Variants in GRID2 observed in about 807,000 individuals in gnomAD.
GRID2 encodes glutamate receptor ionotropic, delta-2.
GRID2 carries 33 observed loss-of-function variants against 114.8 expected under a neutral mutation model. That is an observed-to-expected ratio of 0.29 (90% CI 0.22 to 0.38). The LOEUF is 0.38. GRID2 is among the 10% of genes least tolerant of loss of function. The pLI, the probability that GRID2 is intolerant of heterozygous loss-of-function variation, is 1.00. For synonymous variants in GRID2, 505 were observed against 449.9 expected (o/e 1.12, Z -1.55); for missense variants, 1,184 against 1,257.7 (o/e 0.94, Z 0.89).
intron 13 of GRID2, among the ~76,000 whole-genome samples, chr4:93,586,551 T>C (rs1737555444): frequency 6.6e-6 from 1 of 152,150 alleles, no homozygotes; most frequent in Non-Finnish European, 1.5e-5. Context: ...ACACTTGACA[T>C]ACATATATTT....
chr4:92,518,782 C>G (rs1724630294), intron 1 of GRID2, among the ~76,000 whole-genome samples: 1 of 151,792 alleles, frequency 6.6e-6, no homozygotes, highest in African/African-American at 2.4e-5. Flanking sequence ...CAGTCATTTA[C>G]TAGAATATTA....
chr4:92,703,055 C>A (rs564298355), intron 2 of GRID2, among the ~76,000 whole-genome samples: 1 of 152,200 alleles, frequency 6.6e-6, no homozygotes, highest in Admixed American at 6.5e-5. Flanking sequence ...GTGCATTCAC[C>A]AGTTTGAAAA....
chr4:92,321,685 T>C (rs916666029), intron 1 of GRID2, among the ~76,000 whole-genome samples: 1 of 152,092 alleles, frequency 6.6e-6, no homozygotes, highest in Non-Finnish European at 1.5e-5. Flanking sequence ...CTAATGAATA[T>C]CAAGGTAGAT....
chr4:93,162,796 C>T (rs1737805421), intron 4 of GRID2, among the ~76,000 whole-genome samples: 1 of 151,842 alleles, frequency 6.6e-6, no homozygotes, highest in South Asian at 2.1e-4. Context: ...ATGAGGAGTT[C>T]CATCTTCATC....
At chr4:92,586,133 G>A (rs1728427952) in intron 1 of GRID2, among the ~76,000 whole-genome samples, 1 of 151,776 alleles carries the variant, frequency 6.6e-6, no homozygotes, top group South Asian at 2.1e-4. Flanking sequence ...TATGGCCTAG[G>A]AAATTATATT....
chr4:93,683,424 G>A (rs1046678007), intron 14 of GRID2, among the ~76,000 whole-genome samples: 1 of 152,054 alleles, frequency 6.6e-6, no homozygotes, highest in African/African-American at 2.4e-5. Flanking sequence ...GATCCTATGA[G>A]CCTAGGAAGA....
At chr4:93,459,346 G>A (rs1723525923) in intron 11 of GRID2, among the ~76,000 whole-genome samples, 1 of 152,016 alleles carries the variant, frequency 6.6e-6, no homozygotes, top group African/African-American at 2.4e-5. Context: ...ATGTAATAGA[G>A]GAGAACATGT....
chr4:93,062,226 G>GT (rs1385713676), intron 2 of GRID2, among the ~76,000 whole-genome samples: 1 of 152,032 alleles, frequency 6.6e-6, no homozygotes, highest in Non-Finnish European at 1.5e-5. Flanking sequence ...AAAATATGCT[G>GT]TATCTTTAAC....
chr4:92,318,334 A>G (rs1450438855), intron 1 of GRID2, among the ~76,000 whole-genome samples: 1 of 134,834 alleles, frequency 7.4e-6, no homozygotes, highest in Admixed American at 7.6e-5. Context: ...TTGGTAAGCA[A>G]TATTATATCT....
intron 2 of GRID2, among the ~76,000 whole-genome samples, chr4:92,734,308 A>G (rs1736482555): frequency 6.6e-6 from 1 of 150,910 alleles, no homozygotes; most frequent in Non-Finnish European, 1.5e-5. Flanking sequence ...TTTTTTTAAG[A>G]TAGGGTCTTG....
chr4:93,269,899 T>C (rs1287265959), intron 8 of GRID2, among the ~76,000 whole-genome samples: 1 of 152,164 alleles, frequency 6.6e-6, no homozygotes, highest in East Asian at 1.9e-4. Flanking sequence ...TTTGAAATAC[T>C]TTCTTTACCT....
intron 13 of GRID2, among the ~76,000 whole-genome samples, chr4:93,612,828 C>A (rs2149666871): frequency 9.1e-6 from 1 of 110,152 alleles, no homozygotes; most frequent in Non-Finnish European, 1.9e-5. Context: ...TTGTGGCGTT[C>A]TCTGTATTTC....
At chr4:93,090,759 A>T (rs1454418536) in intron 3 of GRID2, among the ~76,000 whole-genome samples, 1 of 152,086 alleles carries the variant, frequency 6.6e-6, no homozygotes, top group Non-Finnish European at 1.5e-5. Flanking sequence ...CTTCATACAA[A>T]AGTTATAGTA....
At chr4:92,910,669 A>G (rs1375590539) in intron 2 of GRID2, among the ~76,000 whole-genome samples, 1 of 151,770 alleles carries the variant, frequency 6.6e-6, no homozygotes, top group African/African-American at 2.4e-5. Flanking sequence ...TCCTTGGGGG[A>G]CTGGTTTTAG....
chr4:92,900,872 A>C (rs985988351), intron 2 of GRID2, among the ~76,000 whole-genome samples: 3 of 148,804 alleles, frequency 2.0e-5, no homozygotes, highest in Admixed American at 6.7e-5. Flanking sequence ...AATGCCTTAC[A>C]GTTTCATCCA....
chr4:92,456,930 A>C (rs2149084004), intron 1 of GRID2, among the ~76,000 whole-genome samples: 1 of 152,224 alleles, frequency 6.6e-6, no homozygotes, highest in African/African-American at 2.4e-5. Context: ...TTTGTGCCTA[A>C]AATTCTTAAA....
intron 2 of GRID2, among the ~76,000 whole-genome samples, chr4:92,709,589 A>AAAAAAAAT (rs779775767): frequency 8.7e-6 from 1 of 114,660 alleles, no homozygotes; most frequent in Non-Finnish European, 1.7e-5. Context: ...AAAAAAAAAA[A>AAAAAAAAT]ATATATATAT....
chr4:93,455,754 G>C lies in GRID2; in HGVS notation c.1638G>C (p.Gly546=). 1.2e-6 allele frequency: 2 copies of C among 1,611,118 alleles called. No homozygotes were observed. The highest frequency in any genetic ancestry group is 1.7e-6 in the Non-Finnish European group (2 of 1,177,336). ...CACGTTACATGGACTACTCAGTGGG[G>C]GTACTACTTCGAAGGGCTGAAAAGA... ...FTTRYMDYSV[G]VLLRRAEKTV... is the part of the protein sequence containing the mutation. The change falls in exon 11 of 16, where the codon GGG becomes GGC. Residue 546 remains glycine, a synonymous_variant. Transcript: ENST00000282020.
chr4:93,488,630 G>A (rs779212845), intron 11 of GRID2, among the ~76,000 whole-genome samples: 7 of 151,872 alleles, frequency 4.6e-5, no homozygotes, highest in Non-Finnish European at 1.0e-4. Context: ...CATATAGCAT[G>A]TATTAGTCTA....
Sources: allele counts gnomAD v4.1 joint callset (sites outside exome capture counted in the v4.1 genomes callset), GRCh38; gene constraint gnomAD v4.1.1; transcripts MANE v1.5; gene names NCBI Gene and HGNC (gene_info 2026-07-23, HGNC 2026-07-21).